Variants in RAPGEF1 observed in about 807,000 individuals in gnomAD.
The protein encoded by RAPGEF1 is CRK SH3-binding GNRP.
A neutral mutation model predicts 143.3 loss-of-function variants in RAPGEF1; 33 were observed. The observed-to-expected ratio is 0.23, with a 90% confidence interval of 0.17 to 0.31. RAPGEF1 has a LOEUF of 0.31. Ranked by LOEUF, RAPGEF1 falls within the 10% of genes least tolerant of loss-of-function variation. RAPGEF1 has a pLI of 1.00. For missense variants in RAPGEF1, 1,199 were observed against 1,645.4 expected, an observed-to-expected ratio of 0.73 and a Z score of 4.69; for synonymous variants, 629 against 676.5, an observed-to-expected ratio of 0.93 and a Z score of 1.09.
At position 131,641,981 on chromosome 9, in the gene RAPGEF1, C is replaced by T. The variant is rs1350263878; in HGVS notation, c.494+1258G>A. 6.6e-6 allele frequency among the ~76,000 whole-genome samples: 1 copy of T among 152,206 alleles called. No individual in the cohort carries two copies. Among genetic ancestry groups the T allele is most frequent in the African/African-American group, 2.4e-5 (1 of 41,454 alleles). On this transcript the variant is annotated intron_variant, in intron 4 of 26. Coordinates refer to ENST00000683357, the MANE Select transcript of RAPGEF1 (RefSeq NM_001377935.1). This position sits in a 1 kb window ranked among gnomAD's most constrained non-coding sequence, Gnocchi z 4.6. ...CTGAAAGCAGTTCATAAAAGCTTAGCCTCATGGGGCTAAATGAACACTAAG... is the reference window on the plus strand; with the variant it reads ...CTGAAAGCAGTTCATAAAAGCTTAGTCTCATGGGGCTAAATGAACACTAAG...
chr9:131,634,699 G>A (rs1965833090), intron 5 of RAPGEF1, among the ~76,000 whole-genome samples: 2 of 107,592 alleles, frequency 1.9e-5, no homozygotes, highest in Admixed American at 2.6e-4. Context: ...GGCAACAAGA[G>A]TGAGACTCCG....
At chr9:131,668,625 G>A (rs1255816507) in intron 1 of RAPGEF1, among the ~76,000 whole-genome samples, 1 of 152,128 alleles carries the variant, frequency 6.6e-6, no homozygotes, top group East Asian at 1.9e-4. Context: ...AACCACTCAA[G>A]GCGGCCTGTC....
chr9:131,639,515 G>A (rs3780261), intron 4 of RAPGEF1, among the ~76,000 whole-genome samples: 131,355 of 151,864 alleles, frequency 0.86, 57,012 homozygotes, highest in African/African-American at 0.93. Context: ...AGCGCCCACA[G>A]ACAGAAGCCC....
chr9:131,604,145 G>A, intron 13 of RAPGEF1, 92 bp from the exon 14 acceptor site: 1 of 725,176 alleles, frequency 1.4e-6, no homozygotes, highest in Non-Finnish European at 2.1e-6. Flanking sequence ...CCTGCACTCT[G>A]GTCTTCCCAG....
At chr9:131,605,855 C>T (rs1296408377) in intron 12 of RAPGEF1, among the ~76,000 whole-genome samples, 1 of 151,062 alleles carries the variant, frequency 6.6e-6, no homozygotes, top group Non-Finnish European at 1.5e-5. Flanking sequence ...AGGTGGATTG[C>T]TTGAGCCCAG....
chr9:131,712,142 G>T (rs896135942), intron 1 of RAPGEF1, among the ~76,000 whole-genome samples: 1 of 152,164 alleles, frequency 6.6e-6, no homozygotes, highest in African/African-American at 2.4e-5. Context: ...TGGGTGCAGA[G>T]GCTCCCTGTT....
intron 17 of RAPGEF1, among the ~76,000 whole-genome samples, chr9:131,595,202 G>T (rs1248642412): frequency 6.6e-6 from 1 of 152,252 alleles, no homozygotes; most frequent in Non-Finnish European, 1.5e-5. Context: ...CACAGCTGGG[G>T]CTAGGATGCA....
chr9:131,588,087 G>A, intron 20 of RAPGEF1, 61 bp from the exon 21 acceptor site: 1 of 1,386,062 alleles, frequency 7.2e-7, no homozygotes, highest in African/African-American at 1.4e-5. Context: ...GGAGGGCTGA[G>A]CAGGCCCGGG....
intron 1 of RAPGEF1, among the ~76,000 whole-genome samples, chr9:131,677,728 G>A (rs1371275517): frequency 6.6e-6 from 1 of 152,270 alleles, no homozygotes; most frequent in Non-Finnish European, 1.5e-5. Context: ...AAAAACATCT[G>A]CCAACAGCTT....
intron 10 of RAPGEF1, among the ~76,000 whole-genome samples, chr9:131,622,206 C>T (rs13289646): frequency 0.21 from 32,662 of 152,070 alleles, 4,172 homozygotes; most frequent in Non-Finnish European, 0.29. Flanking sequence ...GACCGGCAGA[C>T]GCGCAACACC....
intron 10 of RAPGEF1, among the ~76,000 whole-genome samples, chr9:131,625,237 AG>A (rs1962598536): frequency 6.6e-6 from 1 of 152,214 alleles, no homozygotes; most frequent in South Asian, 2.1e-4. Context: ...GCGGGGACAG[AG>A]GGGGCCAGGC....
chr9:131,676,595 G>C (rs1832399051), intron 1 of RAPGEF1, among the ~76,000 whole-genome samples: 1 of 152,206 alleles, frequency 6.6e-6, no homozygotes, highest in Non-Finnish European at 1.5e-5. Context: ...CTGTTCCAAG[G>C]TTGTCAGGCT....
At chr9:131,590,785 A>G (rs745405153) in intron 18 of RAPGEF1, among the ~76,000 whole-genome samples, 11 of 152,202 alleles carry the variant, frequency 7.2e-5, no homozygotes, top group Non-Finnish European at 1.5e-5. Flanking sequence ...TGATGCTGCA[A>G]TATTTCCATG....
At chr9:131,705,634 A>G (rs1270516897) in intron 1 of RAPGEF1, among the ~76,000 whole-genome samples, 1 of 152,136 alleles carries the variant, frequency 6.6e-6, no homozygotes, top group African/African-American at 2.4e-5. Flanking sequence ...TTTCTCGACC[A>G]CGAGAAGCAT....
intron 1 of RAPGEF1, chr9:131,737,383 A>G (rs775921716): frequency 6.2e-7 from 1 of 1,613,144 alleles, no homozygotes; most frequent in African/African-American, 1.3e-5. Flanking sequence ...TCATTCCCGC[A>G]CTCATGACAC....
At chr9:131,684,220 T>C (rs1009277022) in intron 1 of RAPGEF1, among the ~76,000 whole-genome samples, 4 of 152,254 alleles carry the variant, frequency 2.6e-5, no homozygotes, top group African/African-American at 9.6e-5. Flanking sequence ...GTCACACATG[T>C]TCCCTTGTTT....
At position 131,629,160 on chromosome 9, in the gene RAPGEF1, C is replaced by A. The variant is rs777943664; in HGVS notation, c.835G>T (p.Asp279Tyr). 1.9e-6 allele frequency: 3 copies of A among 1,614,052 alleles called. No individual in the cohort carries two copies. Among genetic ancestry groups the A allele is most frequent in the Non-Finnish European group, 1.7e-6 (2 of 1,179,900 alleles). ...QSTELLPDAT[D>Y]EEVAPPKPPL... ...GGCTTGGGGGGCGCGACCTCTTCAT[C>A]CGTGGCATCTGGGAGGAGCTCAGTT... Residue 279 changes from aspartate to tyrosine, a missense_variant, in exon 7 of 27, where the codon GAT becomes TAT. Around this residue, in one of 6 missense-constraint regions of RAPGEF1, gnomAD observed 613 missense variants for 710.9 expected, o/e 0.86. Coordinates refer to ENST00000683357, the MANE Select transcript of RAPGEF1 (RefSeq NM_001377935.1).
chr9:131,651,084 T>A, intron 1 of RAPGEF1, 135 bp from the exon 2 acceptor site: 1 of 1,109,418 alleles, frequency 9.0e-7, no homozygotes, highest in African/African-American at 1.6e-5. Context: ...GGAAAGGACG[T>A]ATGGATCCAT....
At chr9:131,735,155 A>G (rs568404729) in intron 1 of RAPGEF1, among the ~76,000 whole-genome samples, 15 of 152,372 alleles carry the variant, frequency 9.8e-5, no homozygotes, top group Admixed American at 9.8e-4. Context: ...GAACAACTCC[A>G]GGCCCTCAGG....
Sources: gnomAD v4.1 joint callset for allele counts (sites outside exome capture counted in the v4.1 genomes callset) on GRCh38, gnomAD v4.1.1 for gene constraint, gnomAD v4.1.1 regional missense constraint, Gnocchi (gnomAD v3.1) non-coding constraint, MANE v1.5 for transcripts, NCBI Gene and HGNC (gene_info 2026-07-23, HGNC 2026-07-21) for gene names.